Variants in RFX7 observed in about 807,000 individuals in gnomAD.
RFX7 encodes regulatory factor X7.
Under a neutral mutation model 111.8 loss-of-function variants are expected in RFX7, and 26 were observed. That is an observed-to-expected ratio of 0.23 (90% CI 0.17 to 0.32). RFX7 has a LOEUF of 0.32. RFX7 is among the 10% of genes least tolerant of loss of function. The pLI, the probability that RFX7 is intolerant of heterozygous loss-of-function variation, is 1.00. For missense variants in RFX7, 1,573 were observed against 1,772.9 expected, an observed-to-expected ratio of 0.89 and a Z score of 2.02; for synonymous variants, 624 against 624.4, an observed-to-expected ratio of 1.00 and a Z score of 0.01.
intron 8 of RFX7, 92 bp from the exon 9 acceptor site, chr15:56,098,468 TG>T: frequency 1.5e-6 from 2 of 1,363,544 alleles, no homozygotes; most frequent in Non-Finnish European, 2.0e-6. Flanking sequence ...AGCCATCTAC[TG>T]GACAAAGCAA....
At chr15:56,152,601 G>A (rs1233047494) in intron 3 of RFX7, among the ~76,000 whole-genome samples, 1 of 152,008 alleles carries the variant, frequency 6.6e-6, no homozygotes, top group Non-Finnish European at 1.5e-5. Context: ...GAGAAAGCAG[G>A]AAAGACCTAA....
At chr15:56,233,884 G>C (rs1267571790) in intron 2 of RFX7, among the ~76,000 whole-genome samples, 2 of 152,074 alleles carry the variant, frequency 1.3e-5, no homozygotes, top group African/African-American at 2.4e-5. Context: ...TAACATGAGA[G>C]GATTGTGATT....
chr15:56,216,467 G>C (rs1167010808), intron 2 of RFX7, among the ~76,000 whole-genome samples: 2 of 152,054 alleles, frequency 1.3e-5, no homozygotes, highest in African/African-American at 4.8e-5. Flanking sequence ...CCATAGTTAT[G>C]ACTCATTTTT....
chr15:56,218,358 C>G lies in RFX7; in HGVS notation c.161+24767G>C, dbSNP rs1375325653. 2.0e-5 allele frequency among the ~76,000 whole-genome samples: 3 copies of G among 152,006 alleles called. No individual in the cohort carries two copies. In the East Asian group the frequency reaches 5.8e-4, roughly 29 times the overall value. ...CGTTGGCCAGACTGGTCTTGAACTC[C>G]TGACCTCAGGTGATCTGCCCGCCTC... On this transcript the variant is annotated intron_variant, in intron 2 of 9. Transcript: ENST00000559447.
At chr15:56,174,411 A>T (rs1194876235) in intron 3 of RFX7, among the ~76,000 whole-genome samples, 1 of 152,174 alleles carries the variant, frequency 6.6e-6, no homozygotes, top group Non-Finnish European at 1.5e-5. Context: ...TAATAGAGAA[A>T]CAAACTATTA....
chr15:56,098,133 A>G lies in RFX7; in HGVS notation c.1055T>C (p.Leu352Pro). The change falls in exon 9 of 10, where the codon CTT becomes CCT. Residue 352 changes from leucine to proline, a missense_variant. Transcript: ENST00000559447. ...TNLPNGNPSILSPQPIGIVVA... is the reference protein window; with the variant it reads ...TNLPNGNPSIPSPQPIGIVVA... ...AACGATACCAATAGGTTGAGGAGAAAGGATTGAAGGATTTCCATTAGGAAG... is the reference window on the plus strand; with the variant it reads ...AACGATACCAATAGGTTGAGGAGAAGGGATTGAAGGATTTCCATTAGGAAG... 3 of 1,613,940 alleles carry G rather than the reference A, an allele frequency of 1.9e-6. No homozygotes were observed. The highest frequency in any genetic ancestry group is 2.5e-6 in the Non-Finnish European group (3 of 1,179,840).
intron 3 of RFX7, among the ~76,000 whole-genome samples, chr15:56,149,014 C>T (rs1173494227): frequency 1.3e-5 from 2 of 148,598 alleles, no homozygotes; most frequent in Non-Finnish European, 3.0e-5. Context: ...ACCCGGAAGG[C>T]GGAGCTTGCA....
chr15:56,232,022 C>T (rs1366365428), intron 2 of RFX7, among the ~76,000 whole-genome samples: 1 of 152,166 alleles, frequency 6.6e-6, no homozygotes, highest in Non-Finnish European at 1.5e-5. Context: ...CGGCTCCGCC[C>T]CTGTGGCTTT....
At position 56,167,752 on chromosome 15, in the gene RFX7, T is replaced by G; in HGVS notation, c.195+11518A>C. 2.0e-5 allele frequency among the ~76,000 whole-genome samples: 3 copies of G among 152,186 alleles called. No homozygotes were observed. In the South Asian group the frequency reaches 6.2e-4, roughly 32 times the overall value. On this transcript the variant is annotated intron_variant, in intron 3 of 9. Transcript: ENST00000559447. ...ATAGCTTTAAAACTAGAAAAGTACT[T>G]TATATTTTTTACTTCTAGTAGATTT...
At chr15:56,218,236 C>T (rs1433736163) in intron 2 of RFX7, among the ~76,000 whole-genome samples, 1 of 130,654 alleles carries the variant, frequency 7.7e-6, no homozygotes, top group African/African-American at 2.9e-5. Context: ...CTCACTGCAA[C>T]CTCTGCCTCC....
intron 3 of RFX7, 107 bp from the exon 4 acceptor site, chr15:56,144,590 A>G: frequency 2.5e-6 from 1 of 393,884 alleles, no homozygotes; most frequent in Admixed American, 3.1e-5. Context: ...TTTAAATTTA[A>G]AACAGATGAA....
intron 2 of RFX7, among the ~76,000 whole-genome samples, chr15:56,224,085 C>A (rs1171435265): frequency 2.6e-5 from 4 of 151,280 alleles, no homozygotes; most frequent in Non-Finnish European, 5.9e-5. Flanking sequence ...TGTGATGCAG[C>A]TGGACCTAAT....
rs2041587312 is a variant in RFX7, at chr15:56,090,791, C to T, written c.*2554G>A. 6.6e-6 allele frequency: 1 copy of T among 152,472 alleles called. No individual in the cohort carries two copies. The highest frequency in any genetic ancestry group is 2.4e-5 in the African/African-American group (1 of 41,424). The allele number at this position is 152,472 out of a possible 1,614,324, so 9.4% of individuals were successfully genotyped here. A position where few individuals can be genotyped will look rare whatever the true frequency, so the allele number is the denominator to read the frequency against. On this transcript the variant is annotated 3_prime_UTR_variant, in exon 10 of 10. Coordinates refer to ENST00000559447, the MANE Select transcript of RFX7 (RefSeq NM_022841.7). ...GACTATTATATGAACCTCAGAAGCA[C>T]TGCACAAAAAAACACTTTCCTTCTT... is the stretch of plus-strand genomic sequence containing the variant.
chr15:56,234,719 C>A (rs1334872911), intron 2 of RFX7, among the ~76,000 whole-genome samples: 2 of 152,080 alleles, frequency 1.3e-5, no homozygotes, highest in African/African-American at 2.4e-5. Flanking sequence ...ATGGTAAGTT[C>A]TTGGTGTTGC....
intron 2 of RFX7, among the ~76,000 whole-genome samples, chr15:56,242,078 T>C (rs1474636633): frequency 2.6e-5 from 4 of 152,244 alleles, no homozygotes; most frequent in East Asian, 1.9e-4. Context: ...AAATGAGTTT[T>C]GATATTTTAG....
At chr15:56,129,931 T>C (rs2042191068) in intron 5 of RFX7, among the ~76,000 whole-genome samples, 1 of 152,202 alleles carries the variant, frequency 6.6e-6, no homozygotes, top group Non-Finnish European at 1.5e-5. Context: ...CCTAAGCCAT[T>C]TGTAAATGGT....
At chr15:56,183,903 T>C (rs954704942) in intron 2 of RFX7, among the ~76,000 whole-genome samples, 5 of 152,210 alleles carry the variant, frequency 3.3e-5, no homozygotes, top group African/African-American at 1.2e-4. Context: ...CAAGGCAACT[T>C]ACAGATGGTA....
At chr15:56,100,131 G>C (rs2041733133) in intron 8 of RFX7, among the ~76,000 whole-genome samples, 1 of 152,154 alleles carries the variant, frequency 6.6e-6, no homozygotes, top group African/African-American at 2.4e-5. Flanking sequence ...AGACAAATCA[G>C]AATTCAAATC....
At chr15:56,172,763 G>T (rs560127075) in intron 3 of RFX7, among the ~76,000 whole-genome samples, 15 of 152,276 alleles carry the variant, frequency 9.9e-5, no homozygotes, top group African/African-American at 3.4e-4. Context: ...TCTGAAACAG[G>T]TTTAGTGGAG....
Sources: allele counts gnomAD v4.1 joint callset (sites outside exome capture counted in the v4.1 genomes callset), GRCh38; gene constraint gnomAD v4.1.1; transcripts MANE v1.5; gene names NCBI Gene and HGNC (gene_info 2026-07-23, HGNC 2026-07-21).